The following GADL1 variants were observed in gnomAD, a reference collection of about 807,000 sequenced individuals.
GADL1 encodes acidic amino acid decarboxylase GADL1.
In GADL1, 71 loss-of-function variants were observed where a neutral mutation model predicts 69.5. The ratio of observed to expected loss-of-function variants is 1.02; its 90% CI spans 0.84 to 1.25. The LOEUF (loss-of-function observed/expected upper bound fraction) is 1.25, where lower values mean the gene tolerates loss of function less well. GADL1 is among the 50% of genes most tolerant of loss of function. The pLI, the probability that GADL1 is intolerant of heterozygous loss-of-function variation, is 0.00. For synonymous variants in GADL1, 254 were observed against 214.4 expected (o/e 1.18, Z -1.62); for missense variants, 737 against 631.8 (o/e 1.17, Z -1.79).
chr3:30,778,206 T>TC lies in GADL1; in HGVS notation c.1364dup (p.Pro456ThrfsTer8). On this transcript the variant is annotated frameshift_variant, in exon 14 of 15. Transcript: ENST00000282538. LOFTEE classifies it high-confidence loss of function. ...AATTAAGTTTTGCCCAGAACTCGGGTCCTTCTTCCATCTCTCTGAGGCTCG... is the reference window on the plus strand; with the variant it reads ...AATTAAGTTTTGCCCAGAACTCGGGTCCCTTCTTCCATCTCTCTGAGGCTCG... 3 of 1,611,560 alleles carry TC rather than the reference T, an allele frequency of 1.9e-6. No individual in the cohort carries two copies. Among genetic ancestry groups the TC allele is most frequent in the Non-Finnish European group, 2.5e-6 (3 of 1,177,742 alleles).
intron 12 of GADL1, among the ~76,000 whole-genome samples, chr3:30,795,661 A>G (rs945421881): frequency 6.6e-6 from 1 of 152,202 alleles, no homozygotes; most frequent in African/African-American, 2.4e-5. Context: ...AAAGAAAGAA[A>G]TCATGAAAAT....
chr3:30,826,201 C>T (rs936135862), intron 11 of GADL1, among the ~76,000 whole-genome samples: 2 of 151,796 alleles, frequency 1.3e-5, no homozygotes, highest in Admixed American at 1.3e-4. Context: ...AGATGGAAAA[C>T]ATTTAGTGTG....
intron 14 of GADL1, among the ~76,000 whole-genome samples, chr3:30,738,750 A>T (rs1425820932): frequency 6.6e-6 from 1 of 152,158 alleles, no homozygotes; most frequent in Non-Finnish European, 1.5e-5. Flanking sequence ...ACTACTGCCT[A>T]TTACAATAAG....
chr3:30,878,720 A>G (rs9829026), intron 1 of GADL1, among the ~76,000 whole-genome samples: 33,872 of 151,822 alleles, frequency 0.22, 4,512 homozygotes, highest in East Asian at 0.46. Flanking sequence ...GAAGCAGTCA[A>G]TTCCATTTGT....
intron 11 of GADL1, among the ~76,000 whole-genome samples, chr3:30,803,538 G>A (rs139186611): frequency 1.3e-5 from 2 of 152,230 alleles, no homozygotes; most frequent in African/African-American, 2.4e-5. Flanking sequence ...GGGAGAGGAC[G>A]CTCATCCATT....
At chr3:30,872,821 A>G (rs923057500) in intron 1 of GADL1, among the ~76,000 whole-genome samples, 4 of 151,930 alleles carry the variant, frequency 2.6e-5, no homozygotes, top group African/African-American at 9.7e-5. Context: ...AGAGAGCCAT[A>G]TGAATACTCT....
intron 13 of GADL1, among the ~76,000 whole-genome samples, chr3:30,785,392 T>TG (rs1022229053): frequency 6.7e-6 from 1 of 149,500 alleles, no homozygotes; most frequent in African/African-American, 2.5e-5. Flanking sequence ...CTTTTTTTTT[T>TG]TTTCCCCCCG....
At chr3:30,855,663 G>A (rs985501858) in intron 3 of GADL1, among the ~76,000 whole-genome samples, 1 of 151,886 alleles carries the variant, frequency 6.6e-6, no homozygotes, top group African/African-American at 2.4e-5. Flanking sequence ...TACACCATGT[G>A]AATAATCACA....
rs79353018 is a variant in GADL1 at position 30,876,028 on chromosome 3, A to G, written c.38-14263T>C. Among the ~76,000 whole-genome samples, 815 of 151,988 alleles carry G rather than the reference A, an allele frequency of 5.4e-3. 4 individuals are homozygous for G. The highest frequency in any genetic ancestry group is 0.019 in the African/African-American group (778 of 41,508). On this transcript the variant is annotated intron_variant, in intron 1 of 14. Coordinates refer to ENST00000282538, the MANE Select transcript of GADL1 (RefSeq NM_207359.3). ...ATCCGTGACTTTTCTCTGATTTCCA[A>G]TTCTCCCTTATGAATGTTTTCTTCA...
rs1695366425 is a variant in GADL1 at position 30,726,370 on chromosome 3, C to G, written c.*1872G>C. 1 of 152,092 alleles carries G rather than the reference C, an allele frequency of 6.6e-6. No homozygotes were observed. Among genetic ancestry groups the G allele is most frequent in the Non-Finnish European group, 1.5e-5 (1 of 68,010 alleles). The allele number at this position is 152,092 out of a possible 1,614,324, so 9.4% of individuals were successfully genotyped here. A position where few individuals can be genotyped will look rare whatever the true frequency, so the allele number is the denominator to read the frequency against. ...GACAGGAAAAGAAAAGTCAACAACA[C>G]TAAGTATAGTAATGTTCCTTTTTGT... On this transcript the variant is annotated 3_prime_UTR_variant, in exon 15 of 15. Coordinates refer to ENST00000282538, the MANE Select transcript of GADL1 (RefSeq NM_207359.3).
chr3:30,771,618 G>T (rs1287583184), intron 14 of GADL1, among the ~76,000 whole-genome samples: 1 of 138,144 alleles, frequency 7.2e-6, no homozygotes, highest in Non-Finnish European at 1.5e-5. Flanking sequence ...ATTTTTGAAG[G>T]ATATACTATA....
intron 12 of GADL1, chr3:30,800,681 T>G: frequency 1.7e-6 from 1 of 578,046 alleles, no homozygotes; most frequent in Non-Finnish European, 3.1e-6. Flanking sequence ...CTGTTCATAA[T>G]TCCTAACACT....
At chr3:30,856,584 A>G (rs1242971149) in intron 3 of GADL1, among the ~76,000 whole-genome samples, 1 of 152,072 alleles carries the variant, frequency 6.6e-6, no homozygotes, top group Non-Finnish European at 1.5e-5. Context: ...CTTCCAAATA[A>G]ATCATTTCTG....
intron 14 of GADL1, among the ~76,000 whole-genome samples, chr3:30,771,991 C>T (rs542981678): frequency 5.3e-5 from 8 of 152,336 alleles, no homozygotes; most frequent in Admixed American, 4.6e-4. Flanking sequence ...TCCAAAGCAG[C>T]AGCCTGTGTA....
At chr3:30,861,279 G>A (rs1037103687) in intron 2 of GADL1, among the ~76,000 whole-genome samples, 1 of 151,620 alleles carries the variant, frequency 6.6e-6, no homozygotes, top group African/African-American at 2.4e-5. Flanking sequence ...AGATTAGCAG[G>A]TTACTTATCT....
Position 30,728,489 on chromosome 3 carries a change from A to G in GADL1, c.1393-74T>C. Reference sequence around the variant, plus strand: ...CATTTCAATAGCATTTTCACCAGCCATTGGACATTTACTGGGCATCCACTG... The same window carrying G: ...CATTTCAATAGCATTTTCACCAGCCGTTGGACATTTACTGGGCATCCACTG... On this transcript the variant is annotated intron_variant, in intron 14 of 14. Transcript: ENST00000282538. 3.2e-6 allele frequency: 4 copies of G among 1,248,762 alleles called. No individual in the cohort carries two copies. The Admixed American group carries it at 7.1e-5, about 22-fold the overall frequency. The allele number at this position is 1,248,762 out of a possible 1,614,324, so 77.4% of individuals were successfully genotyped here. A position where few individuals can be genotyped will look rare whatever the true frequency, so the allele number is the denominator to read the frequency against.
intron 11 of GADL1, among the ~76,000 whole-genome samples, chr3:30,824,485 A>G (rs978816214): frequency 1.5e-5 from 2 of 137,914 alleles, no homozygotes; most frequent in Non-Finnish European, 3.0e-5. Flanking sequence ...ATAAGAAGTA[A>G]AGATATGTGC....
intron 2 of GADL1, among the ~76,000 whole-genome samples, chr3:30,857,379 T>G (rs1698245479): frequency 6.6e-6 from 1 of 152,014 alleles, no homozygotes. Context: ...ATATCTAAGT[T>G]GTTACATAGA....
At chr3:30,732,051 G>A (rs1316343372) in intron 14 of GADL1, among the ~76,000 whole-genome samples, 3 of 152,162 alleles carry the variant, frequency 2.0e-5, no homozygotes, top group East Asian at 1.9e-4. Context: ...GACCAAGCAC[G>A]TTCTCACTAA....
Sources: gnomAD v4.1 joint callset for allele counts (sites outside exome capture counted in the v4.1 genomes callset) on GRCh38, gnomAD v4.1.1 for gene constraint, MANE v1.5 for transcripts, NCBI Gene and HGNC (gene_info 2026-07-23, HGNC 2026-07-21) for gene names.